Variants in ST6GALNAC3 observed in about 807,000 individuals in gnomAD.
ST6GALNAC3 encodes ST6 N-acetylgalactosaminide alpha-2,6-sialyltransferase 3.
A neutral mutation model predicts 32.7 loss-of-function variants in ST6GALNAC3; 25 were observed. The ratio of observed to expected loss-of-function variants is 0.76; its 90% CI spans 0.56 to 1.07. The LOEUF is 1.07. Ranked by LOEUF, ST6GALNAC3 falls within the 50% of genes least tolerant of loss-of-function variation. The pLI, the probability that ST6GALNAC3 is intolerant of heterozygous loss-of-function variation, is 0.00. For missense variants in ST6GALNAC3, 355 were observed against 382.4 expected, an observed-to-expected ratio of 0.93 and a Z score of 0.60; for synonymous variants, 129 against 133.1, an observed-to-expected ratio of 0.97 and a Z score of 0.21.
chr1:76,390,116 A>G (rs770864121), intron 2 of ST6GALNAC3, among the ~76,000 whole-genome samples: 35 of 152,188 alleles, frequency 2.3e-4, no homozygotes, highest in Middle Eastern at 3.4e-3. Context: ...TAGTTATATA[A>G]ATGATTTATT....
intron 3 of ST6GALNAC3, among the ~76,000 whole-genome samples, chr1:76,575,698 G>A (rs1029815818): frequency 2.6e-5 from 4 of 152,138 alleles, no homozygotes; most frequent in African/African-American, 7.2e-5. Flanking sequence ...AAGGTGAAAT[G>A]GTGTATTTAC....
At position 76,477,234 on chromosome 1, in the gene ST6GALNAC3, T is replaced by C. The variant is rs1195663392; in HGVS notation, c.623+64817T>C. 3.3e-5 allele frequency among the ~76,000 whole-genome samples: 5 copies of C among 152,308 alleles called. No homozygotes were observed. The East Asian group carries it at 9.7e-4, about 29-fold the overall frequency. The stretch of plus-strand genomic sequence containing the variant: ...TCTTATCTTTTCATCCAGCATTTTT[T>C]TTTTTGGTGAATACCATATTATGTG... On this transcript the variant is annotated intron_variant, in intron 3 of 4. Coordinates refer to ENST00000328299, the MANE Select transcript of ST6GALNAC3 (RefSeq NM_152996.4).
chr1:76,102,331 A>G (rs1343117049), intron 1 of ST6GALNAC3, among the ~76,000 whole-genome samples: 1 of 152,000 alleles, frequency 6.6e-6, no homozygotes, highest in African/African-American at 2.4e-5. Flanking sequence ...TCTCTTGTAT[A>G]CAGCATATGG....
intron 2 of ST6GALNAC3, among the ~76,000 whole-genome samples, chr1:76,367,069 G>A (rs555061016): frequency 1.2e-4 from 19 of 152,250 alleles, no homozygotes; most frequent in African/African-American, 4.3e-4. Context: ...ACAGAAAAGA[G>A]AACATTATCT....
chr1:76,526,045 C>T (rs971152781), intron 3 of ST6GALNAC3, among the ~76,000 whole-genome samples: 1 of 151,708 alleles, frequency 6.6e-6, no homozygotes, highest in South Asian at 2.1e-4. Flanking sequence ...GAGGCTTGAT[C>T]TTTCTTCATC....
chr1:76,573,514 C>A (rs1242035224), intron 3 of ST6GALNAC3, among the ~76,000 whole-genome samples: 1 of 152,092 alleles, frequency 6.6e-6, no homozygotes, highest in African/African-American at 2.4e-5. Flanking sequence ...CTGCTCAGAA[C>A]TTAGTGTGAC....
chr1:76,261,606 G>A (rs1658240918), intron 1 of ST6GALNAC3, among the ~76,000 whole-genome samples: 1 of 152,204 alleles, frequency 6.6e-6, no homozygotes, highest in Non-Finnish European at 1.5e-5. Flanking sequence ...AAACAGTGCT[G>A]CTCTCAAAGA....
intron 2 of ST6GALNAC3, among the ~76,000 whole-genome samples, chr1:76,349,173 C>T (rs764508931): frequency 6.6e-6 from 1 of 152,134 alleles, no homozygotes; most frequent in Admixed American, 6.6e-5. Flanking sequence ...CCCCTAGACT[C>T]TCATAGGGAA....
chr1:76,297,036 A>G (rs1221920049), intron 1 of ST6GALNAC3, among the ~76,000 whole-genome samples: 1 of 152,044 alleles, frequency 6.6e-6, no homozygotes, highest in East Asian at 1.9e-4. Flanking sequence ...AGCATTGGTC[A>G]GCATCTGTAT....
intron 2 of ST6GALNAC3, among the ~76,000 whole-genome samples, chr1:76,334,077 T>C (rs1647282477): frequency 6.6e-6 from 1 of 152,240 alleles, no homozygotes; most frequent in African/African-American, 2.4e-5. Flanking sequence ...CAAAGATGAT[T>C]CCACCTGGTA....
chr1:76,440,030 A>G (rs1279010107), intron 3 of ST6GALNAC3, among the ~76,000 whole-genome samples: 2 of 152,246 alleles, frequency 1.3e-5, no homozygotes, highest in Non-Finnish European at 2.9e-5. Flanking sequence ...ATTATTTTCT[A>G]TGTTCAAACA....
chr1:76,113,975 C>T lies in ST6GALNAC3; in HGVS notation c.18+39091C>T, dbSNP rs186690543. ...GAGTAGCTGGGATTACAGGCGCCTG[C>T]CACCACGCCCGGCTAATTTTTTTTT... On this transcript the variant is annotated intron_variant, in intron 1 of 4. Coordinates refer to ENST00000328299, the MANE Select transcript of ST6GALNAC3 (RefSeq NM_152996.4). Among the ~76,000 whole-genome samples, 172 of 151,490 alleles carry T rather than the reference C, an allele frequency of 1.1e-3. 1 individual carries two copies. Among genetic ancestry groups the T allele is most frequent in the African/African-American group, 3.9e-3 (159 of 41,264 alleles).
intron 3 of ST6GALNAC3, among the ~76,000 whole-genome samples, chr1:76,556,007 T>G (rs1052318593): frequency 6.6e-6 from 1 of 152,116 alleles, no homozygotes; most frequent in African/African-American, 2.4e-5. Flanking sequence ...AAAAGGGAAC[T>G]ATACCCATTA....
chr1:76,175,577 A>T (rs2100439172), intron 1 of ST6GALNAC3, among the ~76,000 whole-genome samples: 2 of 150,650 alleles, frequency 1.3e-5, no homozygotes, highest in Admixed American at 1.3e-4. Context: ...TTGAAAGATG[A>T]GTGAAGTTAA....
chr1:76,372,478 T>C (rs752861613), intron 2 of ST6GALNAC3, among the ~76,000 whole-genome samples: 1 of 152,066 alleles, frequency 6.6e-6, no homozygotes, highest in Non-Finnish European at 1.5e-5. Flanking sequence ...TATTTTATCA[T>C]TTCCCCCATT....
At chr1:76,447,174 C>T (rs959431733) in intron 3 of ST6GALNAC3, among the ~76,000 whole-genome samples, 1 of 152,138 alleles carries the variant, frequency 6.6e-6, no homozygotes, top group African/African-American at 2.4e-5. Flanking sequence ...AGATGAGGAA[C>T]TTGTTGGGAA....
intron 2 of ST6GALNAC3, among the ~76,000 whole-genome samples, chr1:76,361,313 A>G (rs552799410): frequency 1.3e-5 from 2 of 152,224 alleles, no homozygotes; most frequent in South Asian, 4.1e-4. Context: ...GCACTACTGC[A>G]TGGAACCATG....
At chr1:76,600,575 C>A (rs1389026593) in intron 3 of ST6GALNAC3, among the ~76,000 whole-genome samples, 1 of 152,198 alleles carries the variant, frequency 6.6e-6, no homozygotes, top group African/African-American at 2.4e-5. Context: ...TGAATGCATG[C>A]CAGTCTCCAC....
At chr1:76,586,942 AC>A (rs375231486) in intron 3 of ST6GALNAC3, among the ~76,000 whole-genome samples, 1 of 152,142 alleles carries the variant, frequency 6.6e-6, no homozygotes, top group Non-Finnish European at 1.5e-5. Context: ...AATGTCATAA[AC>A]CCCAGGTCTG....
Sources: gnomAD v4.1 joint callset for allele counts (sites outside exome capture counted in the v4.1 genomes callset) on GRCh38, gnomAD v4.1.1 for gene constraint, MANE v1.5 for transcripts, NCBI Gene and HGNC (gene_info 2026-07-23, HGNC 2026-07-21) for gene names.